RAPGEF4: variants seen among roughly 807,000 people sequenced by gnomAD.
RAPGEF4 encodes the protein Rap guanine nucleotide exchange factor 4.
A neutral mutation model predicts 147.9 loss-of-function variants in RAPGEF4; 66 were observed. The ratio of observed to expected loss-of-function variants is 0.45; its 90% CI spans 0.37 to 0.55. RAPGEF4 has a LOEUF of 0.55. RAPGEF4 is among the 20% of genes least tolerant of loss of function. The probability of loss-of-function intolerance (pLI) is 0.00; values close to 1 mark genes in which losing one functional copy is unlikely to be tolerated. For missense variants in RAPGEF4, 1,071 were observed against 1,257.3 expected (o/e 0.85, Z 2.24); for synonymous variants, 419 against 442.7 (o/e 0.95, Z 0.67).
At chr2:172,812,942 G>A (rs1407199146) in intron 3 of RAPGEF4, among the ~76,000 whole-genome samples, 1 of 152,188 alleles carries the variant, frequency 6.6e-6, no homozygotes, top group African/African-American at 2.4e-5. Context: ...TGATATTTCA[G>A]TTCTGGGGAT....
At chr2:172,744,602 C>A (rs879119447) in intron 1 of RAPGEF4, among the ~76,000 whole-genome samples, 2 of 152,148 alleles carry the variant, frequency 1.3e-5, no homozygotes, top group South Asian at 4.1e-4. Flanking sequence ...TTGGGATTTT[C>A]CCTGTAGACA....
chr2:172,965,232 G>A (rs746637463), intron 8 of RAPGEF4: 29 of 283,226 alleles, frequency 1.0e-4, no homozygotes, highest in South Asian at 2.2e-4. Context: ...TTCTGGGACC[G>A]GCTCACTAGG....
At chr2:172,809,189 C>T (rs1267251637) in intron 3 of RAPGEF4, among the ~76,000 whole-genome samples, 1 of 152,062 alleles carries the variant, frequency 6.6e-6, no homozygotes, top group African/African-American at 2.4e-5. Flanking sequence ...GTGACACAGC[C>T]CCCAGGTTAG....
At chr2:173,024,241 G>A (rs58157989) in intron 23 of RAPGEF4, among the ~76,000 whole-genome samples, 4,238 of 134,582 alleles carry the variant, frequency 0.031, 166 homozygotes, top group African/African-American at 0.081. Flanking sequence ...TTTTTGAGAC[G>A]GAGTCTCGCT....
At chr2:173,009,652 A>G (rs1694823942) in intron 17 of RAPGEF4, among the ~76,000 whole-genome samples, 1 of 152,212 alleles carries the variant, frequency 6.6e-6, no homozygotes, top group South Asian at 2.1e-4. Context: ...GAGATACTCA[A>G]CTGTGTAAGC....
chr2:172,974,250 G>A (rs1690819926), intron 10 of RAPGEF4, among the ~76,000 whole-genome samples: 1 of 152,190 alleles, frequency 6.6e-6, no homozygotes. Flanking sequence ...ATTCAACTCA[G>A]ATCTGCCTGA....
intron 4 of RAPGEF4, among the ~76,000 whole-genome samples, chr2:172,914,665 A>C (rs1038814427): frequency 1.4e-4 from 21 of 152,072 alleles, no homozygotes; most frequent in African/African-American, 4.8e-4. Flanking sequence ...AGAGGGAGAA[A>C]GAAAAAGAAA....
At chr2:172,859,022 G>A (rs1019986128) in intron 4 of RAPGEF4, among the ~76,000 whole-genome samples, 4 of 152,108 alleles carry the variant, frequency 2.6e-5, no homozygotes, top group Admixed American at 2.0e-4. Flanking sequence ...AATATATAAA[G>A]CTATTTAAAA....
chr2:172,791,814 A>G (rs1021473222), intron 1 of RAPGEF4, among the ~76,000 whole-genome samples: 3 of 152,220 alleles, frequency 2.0e-5, no homozygotes, highest in Non-Finnish European at 4.4e-5. Flanking sequence ...AGAAGTACCT[A>G]CATTTTTCTT....
At chr2:173,036,345 C>G in intron 28 of RAPGEF4, 133 bp downstream of exon 28, 1 of 768,464 alleles carries the variant, frequency 1.3e-6, no homozygotes, top group South Asian at 1.7e-5. Flanking sequence ...GTCATCTCCT[C>G]TCAGTCCTGA....
chr2:172,757,212 A>T (rs1254046121), intron 1 of RAPGEF4, among the ~76,000 whole-genome samples: 2 of 152,242 alleles, frequency 1.3e-5, no homozygotes, highest in Non-Finnish European at 2.9e-5. Flanking sequence ...TTAATTTCAT[A>T]CAAGTTTATC....
At chr2:172,890,954 AC>A (rs1451081991) in intron 4 of RAPGEF4, among the ~76,000 whole-genome samples, 1 of 152,114 alleles carries the variant, frequency 6.6e-6, no homozygotes, top group African/African-American at 2.4e-5. Flanking sequence ...ACATGGCGAA[AC>A]CCCGTCTCTA....
At chr2:172,912,324 C>A (rs1460944765) in intron 4 of RAPGEF4, among the ~76,000 whole-genome samples, 1 of 152,222 alleles carries the variant, frequency 6.6e-6, no homozygotes, top group East Asian at 1.9e-4. Flanking sequence ...CCATGTGCAT[C>A]TTTGCATAAG....
chr2:172,766,022 G>A (rs1051598401), intron 1 of RAPGEF4, among the ~76,000 whole-genome samples: 2 of 152,140 alleles, frequency 1.3e-5, no homozygotes, highest in Admixed American at 6.5e-5. Context: ...GGTGTTGAAA[G>A]CCATTTTATG....
chr2:173,049,455 T>G lies in RAPGEF4; in HGVS notation c.2908+801T>G, dbSNP rs191030512. On this transcript the variant is annotated intron_variant, in intron 30 of 30. Coordinates refer to ENST00000397081, the MANE Select transcript of RAPGEF4 (RefSeq NM_007023.4). The stretch of plus-strand genomic sequence containing the variant: ...TGTATGACTCACTTGAAGAAATTTA[T>G]CTCATTAACTCAATATGATACTATG... Among the ~76,000 whole-genome samples, 83 of 152,310 alleles carry G rather than the reference T, an allele frequency of 5.4e-4. 2 individuals carry two copies. The highest frequency in any genetic ancestry group is 1.9e-3 in the African/African-American group (80 of 41,564).
chr2:172,847,674 G>T (rs559499527), intron 4 of RAPGEF4, among the ~76,000 whole-genome samples: 1 of 152,302 alleles, frequency 6.6e-6, no homozygotes, highest in East Asian at 1.9e-4. Flanking sequence ...ACTGGTGGCT[G>T]GAGTCTAATC....
intron 3 of RAPGEF4, among the ~76,000 whole-genome samples, chr2:172,804,712 C>T (rs543153880): frequency 4.6e-5 from 7 of 152,266 alleles, no homozygotes; most frequent in South Asian, 4.1e-4. Context: ...CTCCAGTGTC[C>T]GTAGTGGGGT....
At chr2:172,991,059 C>G in intron 15 of RAPGEF4, 134 bp downstream of exon 15, 1 of 660,964 alleles carries the variant, frequency 1.5e-6, no homozygotes, top group East Asian at 2.7e-5. Flanking sequence ...TCTCTATTGA[C>G]TAATCACACA....
At chr2:172,782,382 T>C (rs979299608) in intron 1 of RAPGEF4, among the ~76,000 whole-genome samples, 3 of 152,200 alleles carry the variant, frequency 2.0e-5, no homozygotes, top group Non-Finnish European at 4.4e-5. Flanking sequence ...ATGCTCAGTG[T>C]GCTTCCTTTT....
Sources: gnomAD v4.1 joint callset for allele counts (sites outside exome capture counted in the v4.1 genomes callset) on GRCh38, gnomAD v4.1.1 for gene constraint, MANE v1.5 for transcripts, NCBI Gene and HGNC (gene_info 2026-07-23, HGNC 2026-07-21) for gene names.